Variants in TMEM132E observed in about 807,000 individuals in gnomAD.
TMEM132E encodes the protein transmembrane protein 132E.
Under a neutral mutation model 78.5 loss-of-function variants are expected in TMEM132E, and 49 were observed. The ratio of observed to expected loss-of-function variants is 0.62; its 90% confidence interval spans 0.50 to 0.79. The LOEUF is 0.79. Ranked by LOEUF, TMEM132E falls within the 30% of genes least tolerant of loss-of-function variation. TMEM132E has a pLI of 0.00. For synonymous variants in TMEM132E, 715 were observed against 670.6 expected, an observed-to-expected ratio of 1.07 and a Z score of -1.02; for missense variants, 1,403 against 1,470.9, an observed-to-expected ratio of 0.95 and a Z score of 0.75.
chr17:34,621,576 C>A (rs549907847), intron 1 of TMEM132E, among the ~76,000 whole-genome samples: 16 of 152,258 alleles, frequency 1.1e-4, no homozygotes, highest in African/African-American at 3.4e-4. Context: ...CATGGAGAAG[C>A]CCCTTTTCTC....
At chr17:34,635,582 T>G (rs1180793296) in intron 7 of TMEM132E, among the ~76,000 whole-genome samples, 1 of 152,146 alleles carries the variant, frequency 6.6e-6, no homozygotes, top group Non-Finnish European at 1.5e-5. Context: ...TATATAGAGA[T>G]TTCTGGTTTC....
intron 1 of TMEM132E, among the ~76,000 whole-genome samples, chr17:34,587,487 T>G (rs1905718536): frequency 6.6e-6 from 1 of 152,114 alleles, no homozygotes; most frequent in African/African-American, 2.4e-5. Context: ...AGGGGTAGCC[T>G]TTATTCCTTG....
At chr17:34,628,507 G>T in intron 2 of TMEM132E, 56 bp from the exon 3 acceptor site, 1 of 1,600,952 alleles carries the variant, frequency 6.2e-7, no homozygotes, top group Non-Finnish European at 8.5e-7. Flanking sequence ...GGCCAGGCAG[G>T]CAGCTTTGGG....
At chr17:34,621,538 A>T (rs1906958978) in intron 1 of TMEM132E, among the ~76,000 whole-genome samples, 1 of 152,168 alleles carries the variant, frequency 6.6e-6, no homozygotes, top group Admixed American at 6.5e-5. Flanking sequence ...AGTTCAGCCC[A>T]TAACACCCCA....
At chr17:34,583,128 G>C (rs990475923) in intron 1 of TMEM132E, among the ~76,000 whole-genome samples, 1 of 152,218 alleles carries the variant, frequency 6.6e-6, no homozygotes, top group African/African-American at 2.4e-5. Context: ...TCCTGGATTG[G>C]TGGAGGCAGA....
At chr17:34,630,291 C>A in intron 5 of TMEM132E, 140 bp downstream of exon 5, 6 of 862,964 alleles carry the variant, frequency 7.0e-6, no homozygotes, top group Non-Finnish European at 1.0e-5. Flanking sequence ...GGGACCCCTT[C>A]TGTTGCAGCA....
chr17:34,615,032 G>A (rs1174776538), intron 1 of TMEM132E, among the ~76,000 whole-genome samples: 4 of 152,202 alleles, frequency 2.6e-5, no homozygotes, highest in South Asian at 2.1e-4. Context: ...CCAGGGGCCA[G>A]AGGAAGGTAC....
chr17:34,630,594 C>G (rs1027607849), intron 5 of TMEM132E, among the ~76,000 whole-genome samples: 8 of 152,118 alleles, frequency 5.3e-5, no homozygotes, highest in African/African-American at 1.9e-4. Flanking sequence ...GTGAGGGAGA[C>G]AACCCCTCAA....
chr17:34,580,909 C>T lies in TMEM132E; in HGVS notation c.-168C>T. On this transcript the variant is annotated 5_prime_UTR_variant, in exon 1 of 9. In the 5' UTR this introduces an upstream ATG that the reference lacks. Transcript: ENST00000631683. ...AGGGTGTAGCCGCCAGCGCCTGGGA[C>T]GCCCCCTCCCCGCAAAGTGTCCCCG... is the stretch of plus-strand genomic sequence containing the variant. 2.1e-6 allele frequency: 1 copy of T among 478,972 alleles called. No homozygotes were observed. The highest frequency in any genetic ancestry group is 3.7e-6 in the Non-Finnish European group (1 of 272,796). The allele number at this position is 478,972 out of a possible 1,614,324, so 29.7% of individuals were successfully genotyped here. A position where few individuals can be genotyped will look rare whatever the true frequency, so the allele number is the denominator to read the frequency against.
intron 1 of TMEM132E, among the ~76,000 whole-genome samples, chr17:34,602,482 G>T (rs1008111547): frequency 2.6e-5 from 4 of 152,222 alleles, no homozygotes; most frequent in African/African-American, 9.6e-5. Context: ...CAGGGGCCAG[G>T]GTGGAGGAGG....
chr17:34,610,826 T>C (rs1184465129), intron 1 of TMEM132E, among the ~76,000 whole-genome samples: 2 of 152,222 alleles, frequency 1.3e-5, no homozygotes, highest in East Asian at 3.8e-4. Context: ...GGGTGGAATA[T>C]TAATGAAAAC....
intron 1 of TMEM132E, among the ~76,000 whole-genome samples, chr17:34,590,050 G>A (rs1288164385): frequency 6.6e-6 from 1 of 152,208 alleles, no homozygotes; most frequent in Admixed American, 6.5e-5. Context: ...GGGGTGAGAG[G>A]CAAGGGTACT....
chr17:34,620,099 G>C (rs993972993), intron 1 of TMEM132E, among the ~76,000 whole-genome samples: 22 of 152,344 alleles, frequency 1.4e-4, no homozygotes, highest in Middle Eastern at 3.4e-3. Flanking sequence ...GGCCAGGGGA[G>C]CCCCCACCCC....
chr17:34,613,211 A>G (rs11650235), intron 1 of TMEM132E, among the ~76,000 whole-genome samples: 6,046 of 115,672 alleles, frequency 0.052, 259 homozygotes, highest in African/African-American at 0.099. Context: ...ACACACACAC[A>G]CGCGCGCGCG....
intron 1 of TMEM132E, among the ~76,000 whole-genome samples, chr17:34,583,718 C>G (rs1029508465): frequency 6.6e-6 from 1 of 152,152 alleles, no homozygotes; most frequent in Non-Finnish European, 1.5e-5. Context: ...CTGACTCTGG[C>G]GCCACCGGGC....
intron 6 of TMEM132E, among the ~76,000 whole-genome samples, chr17:34,633,643 G>C (rs899752303): frequency 1.3e-5 from 2 of 152,250 alleles, no homozygotes; most frequent in African/African-American, 4.8e-5. Flanking sequence ...GAGGGAAGCA[G>C]GTGGTGAGAG....
chr17:34,606,160 C>T (rs2038867682), intron 1 of TMEM132E, among the ~76,000 whole-genome samples: 1 of 152,112 alleles, frequency 6.6e-6, no homozygotes, highest in Admixed American at 6.6e-5. Context: ...GCCTGACCAA[C>T]CTGGTGAAAC....
chr17:34,630,266 A>G, intron 5 of TMEM132E, 115 bp downstream of exon 5: 1 of 1,161,408 alleles, frequency 8.6e-7, no homozygotes, highest in Non-Finnish European at 1.2e-6. Flanking sequence ...CACTGAACCC[A>G]GGCCTCCCTG....
At position 34,627,033 on chromosome 17, in the gene TMEM132E, C is replaced by T. The variant is rs112576629; in HGVS notation, c.974C>T (p.Pro325Leu). ...LAPNSSSPSS[P>L]SVEHFTLRVK... Reference sequence around the variant, plus strand: ...CCCAACTCCTCCTCGCCCTCCAGCCCCAGCGTGGAGCACTTCACACTCAGG... The same window carrying T: ...CCCAACTCCTCCTCGCCCTCCAGCCTCAGCGTGGAGCACTTCACACTCAGG... The change falls in exon 2 of 9, where the codon CCC (proline) becomes CTC (leucine). Residue 325 changes from proline (P) to leucine (L), a missense_variant. Physicochemically the swap from Pro to Leu is moderately conservative, Grantham distance 98 (BLOSUM62 -3). Transcript: ENST00000631683. 2 of 1,613,756 alleles carry T rather than the reference C, an allele frequency of 1.2e-6. No homozygotes were observed. Among genetic ancestry groups the T allele is most frequent in the South Asian group, 1.1e-5 (1 of 91,076 alleles).
Sources: gnomAD v4.1 joint callset for allele counts (sites outside exome capture counted in the v4.1 genomes callset) on GRCh38, gnomAD v4.1.1 for gene constraint, MANE v1.5 for transcripts, NCBI Gene and HGNC (gene_info 2026-07-23, HGNC 2026-07-21) for gene names.